RPS6KA3: variants seen among roughly 807,000 people sequenced by gnomAD.
RPS6KA3 encodes ribosomal protein S6 kinase alpha-3.
In RPS6KA3, 4 loss-of-function variants were observed where a neutral mutation model predicts 67.2. The ratio of observed to expected loss-of-function variants is 0.06; its 90% CI spans 0.03 to 0.14. The LOEUF (loss-of-function observed/expected upper bound fraction) is 0.14. Ranked by LOEUF, RPS6KA3 falls within the 10% of genes least tolerant of loss-of-function variation. RPS6KA3 has a pLI of 1.00. For synonymous variants in RPS6KA3, 182 were observed against 183.7 expected, an observed-to-expected ratio of 0.99 and a Z score of 0.07; for missense variants, 204 against 559.0, an observed-to-expected ratio of 0.36 and a Z score of 6.40.
At chrX:20,188,301 C>T (rs1023842709) in intron 8 of RPS6KA3, among the ~76,000 whole-genome samples, 196 bp downstream of exon 8, 1 of 111,266 alleles carries the variant, frequency 9.0e-6, no homozygotes, top group Non-Finnish European at 1.9e-5. Flanking sequence ...GTCTTGAATT[C>T]CCGACCTCAA....
chrX:20,157,201 A>G (rs745533590), intron 20 of RPS6KA3, among the ~76,000 whole-genome samples: 2 of 112,270 alleles, frequency 1.8e-5, no homozygotes, highest in African/African-American at 3.2e-5. Context: ...TATAAAAGCC[A>G]CCATTTTTTA....
chrX:20,184,780 T>C (rs1305507722), intron 10 of RPS6KA3, among the ~76,000 whole-genome samples: 1 of 111,596 alleles, frequency 9.0e-6, no homozygotes, highest in African/African-American at 3.3e-5. Context: ...ACTGGGTCTG[T>C]CATAACATGA....
rs1300424873 is a variant in RPS6KA3, at chrX:20,233,783, A to G, written c.126+975T>C. 3.6e-5 allele frequency among the ~76,000 whole-genome samples: 4 copies of G among 111,405 alleles called. No individual in the cohort carries two copies. In the East Asian group the frequency reaches 1.1e-3, roughly 31 times the overall value. On this transcript the variant is annotated intron_variant, in intron 2 of 21. Transcript: ENST00000379565. Reference sequence around the variant, plus strand: ...CCCCCCAAAACAAAAAAACAAAACAAAGAAGAGGTAGTTCTATATGTACTG... The same window carrying G: ...CCCCCCAAAACAAAAAAACAAAACAGAGAAGAGGTAGTTCTATATGTACTG...
At chrX:20,190,965 C>T (rs929614834) in intron 7 of RPS6KA3, among the ~76,000 whole-genome samples, 2 of 109,231 alleles carry the variant, frequency 1.8e-5, no homozygotes, top group African/African-American at 6.7e-5. Flanking sequence ...TGGTTTGCTG[C>T]GCCCATTAAC....
intron 3 of RPS6KA3, among the ~76,000 whole-genome samples, chrX:20,206,081 T>G (rs1378368793): frequency 8.9e-6 from 1 of 111,863 alleles, no homozygotes; most frequent in East Asian, 2.8e-4. Flanking sequence ...GTGCTGTTTA[T>G]CTGTTCCCTT....
At chrX:20,170,186 T>G (rs2148654477) in intron 15 of RPS6KA3, among the ~76,000 whole-genome samples, 1 of 112,347 alleles carries the variant, frequency 8.9e-6, no homozygotes, top group Non-Finnish European at 1.9e-5. Context: ...TTTCTTAATG[T>G]TTTAATCTGC....
intron 1 of RPS6KA3, among the ~76,000 whole-genome samples, chrX:20,235,800 T>C (rs2069394912): frequency 9.0e-6 from 1 of 111,657 alleles, no homozygotes; most frequent in African/African-American, 3.3e-5. Flanking sequence ...AATTTTGAAA[T>C]GTCTCATCAA....
At chrX:20,185,533 C>T (rs764639108) in intron 10 of RPS6KA3, among the ~76,000 whole-genome samples, 1 of 111,245 alleles carries the variant, frequency 9.0e-6, no homozygotes, top group Admixed American at 9.6e-5. Context: ...ACTACAGGTG[C>T]TTACCAACAT....
intron 3 of RPS6KA3, among the ~76,000 whole-genome samples, chrX:20,208,098 G>T (rs1197105309): frequency 9.0e-6 from 1 of 110,662 alleles, no homozygotes; most frequent in African/African-American, 3.3e-5. Context: ...GGGAGGGGGA[G>T]ATGATTTTGG....
chrX:20,197,233 CATT>C (rs1431683671), intron 4 of RPS6KA3, among the ~76,000 whole-genome samples: 2 of 112,725 alleles, frequency 1.8e-5, no homozygotes, highest in Non-Finnish European at 1.9e-5. Flanking sequence ...GTCCTTTTCT[CATT>C]ATTACCATAC....
chrX:20,266,045 C>T (rs1482314160), intron 1 of RPS6KA3: 1 of 112,639 alleles, frequency 8.9e-6, no homozygotes, highest in Non-Finnish European at 1.8e-5. Flanking sequence ...AAACCCTGCA[C>T]CCCCTACCCG....
In RPS6KA3 at chrX:20,165,010, A is replaced by G; in HGVS notation, c.1653T>C (p.Ser551=). ...KPSNILYVDE[S]GNPESIRICD... ...AAATTCGAATAGATTCCGGATTACC[A>G]GATTCATCCACATAAAGAATGTTGC... is the stretch of plus-strand genomic sequence containing the variant. Residue 551 remains serine, a synonymous_variant, in exon 18 of 22, where the codon TCT becomes TCC. Coordinates refer to ENST00000379565, the MANE Select transcript of RPS6KA3 (RefSeq NM_004586.3). The G allele has an allele frequency of 8.3e-7, 1 of 1,203,903 alleles. No individual in the cohort carries two copies. Among genetic ancestry groups the G allele is most frequent in the Non-Finnish European group, 1.1e-6 (1 of 888,278 alleles).
At chrX:20,168,416 G>A (rs116760072) in intron 16 of RPS6KA3, among the ~76,000 whole-genome samples, 2,570 of 111,560 alleles carry the variant, frequency 0.023, 80 homozygotes, top group African/African-American at 0.079. Context: ...TGAGGCATGC[G>A]CAAGAAATTT....
At chrX:20,203,362 A>C (rs2068493348) in intron 4 of RPS6KA3, 1 of 108,142 alleles carries the variant, frequency 9.2e-6, no homozygotes, top group Non-Finnish European at 1.9e-5. Context: ...TCCCGGGTTC[A>C]AGCGATTCTC....
intron 11 of RPS6KA3, 79 bp downstream of exon 11, chrX:20,176,917 C>G: frequency 1.3e-6 from 1 of 767,299 alleles, no homozygotes; most frequent in Non-Finnish European, 2.0e-6. Context: ...ATAATTCCAC[C>G]ACAAAACAAA....
intron 1 of RPS6KA3, among the ~76,000 whole-genome samples, chrX:20,241,180 C>T (rs977219789): frequency 9.1e-6 from 1 of 110,011 alleles, no homozygotes; most frequent in Non-Finnish European, 1.9e-5. Flanking sequence ...TTTAAGAGGA[C>T]CCTTTCAGAA....
chrX:20,218,217 C>T (rs1446438752), intron 2 of RPS6KA3, among the ~76,000 whole-genome samples: 1 of 112,003 alleles, frequency 8.9e-6, no homozygotes, highest in Non-Finnish European at 1.9e-5. Context: ...TGCAAATTAA[C>T]ATCCACTAAG....
chrX:20,223,335 G>A (rs1048206085), intron 2 of RPS6KA3, among the ~76,000 whole-genome samples: 4 of 111,337 alleles, frequency 3.6e-5, no homozygotes, highest in African/African-American at 1.3e-4. Context: ...AGACCACAGA[G>A]TGATCTATTT....
At chrX:20,192,408 G>GA (rs368168798) in intron 7 of RPS6KA3, among the ~76,000 whole-genome samples, 12 of 92,104 alleles carry the variant, frequency 1.3e-4, no homozygotes, top group South Asian at 4.9e-4. Flanking sequence ...GGAGCTAAAA[G>GA]AAAAAAAAAA....
Sources: gnomAD v4.1 joint callset for allele counts (sites outside exome capture counted in the v4.1 genomes callset) on GRCh38, gnomAD v4.1.1 for gene constraint, MANE v1.5 for transcripts, NCBI Gene and HGNC (gene_info 2026-07-23, HGNC 2026-07-21) for gene names.